Variants in LPCAT1 observed in about 807,000 individuals in gnomAD.
LPCAT1 encodes the protein lysophosphatidylcholine acyltransferase 1, also known as 1-acylglycerol-3-phosphate O-acyltransferase.
A neutral mutation model predicts 60.9 loss-of-function variants in LPCAT1; 23 were observed. The ratio of observed to expected loss-of-function variants is 0.38; its 90% CI spans 0.27 to 0.53. The LOEUF is 0.53. Among genes scored for constraint, LPCAT1 ranks in the 20% least tolerant of loss-of-function variants. The probability of loss-of-function intolerance (pLI) is 0.82; values close to 1 mark genes in which losing one functional copy is unlikely to be tolerated. For synonymous variants in LPCAT1, 340 were observed against 301.1 expected (o/e 1.13, Z -1.34); for missense variants, 622 against 723.6 (o/e 0.86, Z 1.61).
intron 1 of LPCAT1, among the ~76,000 whole-genome samples, chr5:1,508,190 G>A (rs1414278621): frequency 6.6e-6 from 1 of 152,172 alleles, no homozygotes; most frequent in Non-Finnish European, 1.5e-5. Context: ...CAAGCAGGGC[G>A]GGCACAGTGG....
intron 7 of LPCAT1, 143 bp from the exon 8 acceptor site, chr5:1,479,818 T>G: frequency 1.5e-6 from 1 of 668,756 alleles, no homozygotes; most frequent in South Asian, 1.7e-5. Context: ...GGGGGTGCCG[T>G]GCCCACCCAG....
chr5:1,465,227 C>A (rs1380789286), intron 13 of LPCAT1, among the ~76,000 whole-genome samples: 8 of 146,616 alleles, frequency 5.5e-5, no homozygotes, highest in Middle Eastern at 4.1e-3. Flanking sequence ...TGCACACACA[C>A]AAAACAAGCA....
At chr5:1,486,869 G>A (rs966944931) in intron 5 of LPCAT1, among the ~76,000 whole-genome samples, 2 of 152,212 alleles carry the variant, frequency 1.3e-5, no homozygotes, top group East Asian at 1.9e-4. Context: ...TCAAGCCACC[G>A]TGTCATCTCC....
intron 11 of LPCAT1, among the ~76,000 whole-genome samples, chr5:1,472,029 TGGTC>T: frequency 1.4e-5 from 1 of 72,284 alleles, no homozygotes; most frequent in East Asian, 4.8e-4. Flanking sequence ...GAGGACGCTC[TGGTC>T]AGAGAGCAGG....
chr5:1,505,473 C>T (rs1396616861), intron 1 of LPCAT1, among the ~76,000 whole-genome samples: 2 of 152,392 alleles, frequency 1.3e-5, no homozygotes, highest in Non-Finnish European at 2.9e-5. Flanking sequence ...CCACTGGGAA[C>T]AGCTCCGGGG....
intron 1 of LPCAT1, among the ~76,000 whole-genome samples, chr5:1,507,630 C>T (rs1026095262): frequency 1.3e-5 from 2 of 152,184 alleles, no homozygotes; most frequent in African/African-American, 2.4e-5. Context: ...GGGCCGGGCG[C>T]GAGCGCTCAC....
At chr5:1,484,131 C>T (rs544585457) in intron 5 of LPCAT1, among the ~76,000 whole-genome samples, 2 of 152,360 alleles carry the variant, frequency 1.3e-5, no homozygotes, top group African/African-American at 2.4e-5. Flanking sequence ...AGGACTTGCC[C>T]GGGATCTGCC....
chr5:1,496,337 G>A lies in LPCAT1; in HGVS notation c.279-1423C>T, dbSNP rs940044069. Among the ~76,000 whole-genome samples the A allele has an allele frequency of 1.3e-5, 2 of 151,680 alleles. No homozygotes were observed. Among genetic ancestry groups the A allele is most frequent in the South Asian group, 2.1e-4 (1 of 4,810 alleles). ...GATTGCGCCACTGCACTCCAGCCTG[G>A]GCAACAGAGTGAGACTCCATCTCAA... is the stretch of plus-strand genomic sequence containing the variant. On this transcript the variant is annotated intron_variant, in intron 2 of 13. Coordinates refer to ENST00000283415, the MANE Select transcript of LPCAT1 (RefSeq NM_024830.5). The surrounding 1 kb of genome is among the most constrained non-coding windows in gnomAD (Gnocchi z 4.7).
intron 9 of LPCAT1, among the ~76,000 whole-genome samples, chr5:1,475,968 C>T (rs994319329): frequency 3.9e-5 from 6 of 152,192 alleles, no homozygotes; most frequent in African/African-American, 1.4e-4. Context: ...GGTGGCAGAC[C>T]CTCCAACGGC....
In LPCAT1 at chr5:1,480,350, G is replaced by GA. The variant is rs1226579072; in HGVS notation, c.761+591dup. The stretch of plus-strand genomic sequence containing the variant: ...GGACCCACATCCTCCCAAACGCCTG[G>GA]AATGGAGCTGCTCTCTCTTGGACTT... On this transcript the variant is annotated intron_variant, in intron 7 of 13. Transcript: ENST00000283415. This position sits in a 1 kb window ranked among gnomAD's most constrained non-coding sequence, Gnocchi z 6.4. 3 of 985,112 alleles carry GA rather than the reference G, an allele frequency of 3.0e-6. No homozygotes were observed. The highest frequency in any genetic ancestry group is 3.6e-6 in the Non-Finnish European group (3 of 829,890). 61.0% of individuals were successfully genotyped at this position (985,112 alleles called of 1,614,324 possible). A position where few individuals can be genotyped will look rare whatever the true frequency, so the allele number is the denominator to read the frequency against.
intron 1 of LPCAT1, among the ~76,000 whole-genome samples, chr5:1,509,983 G>C (rs1736307629): frequency 6.6e-6 from 1 of 152,210 alleles, no homozygotes. Flanking sequence ...CGGTTTCATT[G>C]GGAGGAACAT....
In LPCAT1 at chr5:1,521,281, T is replaced by C. The variant is rs1326634554; in HGVS notation, c.135+2429A>G. ...AGGAGGAGGTGTCCCCGCATGGCGC[T>C]AATCCGAAGACACACAGCAGCCCCT... On this transcript the variant is annotated intron_variant, in intron 1 of 13. Coordinates refer to ENST00000283415, the MANE Select transcript of LPCAT1 (RefSeq NM_024830.5). The surrounding 1 kb of genome is among the most constrained non-coding windows in gnomAD (Gnocchi z 4.3). 3.1e-6 allele frequency: 3 copies of C among 971,462 alleles called. No individual in the cohort carries two copies. In the East Asian group the frequency reaches 3.4e-4, roughly 111 times the overall value. 60.2% of individuals were successfully genotyped at this position (971,462 alleles called of 1,614,324 possible).
chr5:1,474,810 G>T lies in LPCAT1; in HGVS notation c.900-125C>A. On this transcript the variant is annotated intron_variant, in intron 9 of 13. Coordinates refer to ENST00000283415, the MANE Select transcript of LPCAT1 (RefSeq NM_024830.5). ...GAGGAGAGGCAGTGAGACAGGGGAA[G>T]GGCCAGTTGGTGGGGCAGTCACACA... The T allele has an allele frequency of 3.1e-6, 4 of 1,277,072 alleles. 1 individual carries two copies. The South Asian group carries it at 4.7e-5, about 15-fold the overall frequency. The allele number at this position is 1,277,072 out of a possible 1,614,324, so 79.1% of individuals were successfully genotyped here. A position where few individuals can be genotyped will look rare whatever the true frequency, so the allele number is the denominator to read the frequency against.
At chr5:1,505,897 G>A (rs888712731) in intron 1 of LPCAT1, among the ~76,000 whole-genome samples, 2 of 152,228 alleles carry the variant, frequency 1.3e-5, no homozygotes, top group Non-Finnish European at 2.9e-5. Context: ...ACCACGTGAC[G>A]CTCCCCACCA....
At chr5:1,493,606 C>T (rs1735669762) in intron 3 of LPCAT1, among the ~76,000 whole-genome samples, 1 of 152,258 alleles carries the variant, frequency 6.6e-6, no homozygotes, top group Non-Finnish European at 1.5e-5. Flanking sequence ...CCAGAACGTG[C>T]TGTGCTGTGC....
chr5:1,465,065 G>GAA (rs1734298354), intron 13 of LPCAT1, among the ~76,000 whole-genome samples: 1 of 125,150 alleles, frequency 8.0e-6, no homozygotes, highest in African/African-American at 3.1e-5. Flanking sequence ...ACAAGTGCAC[G>GAA]CACACACACG....
chr5:1,516,927 C>T (rs1736522349), intron 1 of LPCAT1, among the ~76,000 whole-genome samples: 1 of 152,236 alleles, frequency 6.6e-6, no homozygotes, highest in African/African-American at 2.4e-5. Flanking sequence ...CACCTAAGCT[C>T]ATGCTGCTGG....
chr5:1,465,346 A>G (rs1182882491), intron 13 of LPCAT1, among the ~76,000 whole-genome samples: 1 of 145,660 alleles, frequency 6.9e-6, no homozygotes, highest in Admixed American at 6.9e-5. Context: ...GTAACTAAAC[A>G]CACATGCGCA....
intron 13 of LPCAT1, 33 bp from the exon 14 acceptor site, chr5:1,463,868 T>C (rs1236635473): frequency 1.9e-6 from 3 of 1,607,392 alleles, no homozygotes; most frequent in Admixed American, 3.4e-5. Flanking sequence ...GGTTATGGAA[T>C]GGGGACGAGC....
Sources: allele counts gnomAD v4.1 joint callset (sites outside exome capture counted in the v4.1 genomes callset), GRCh38; gene constraint gnomAD v4.1.1; non-coding constraint Gnocchi (gnomAD v3.1); transcripts MANE v1.5; gene names NCBI Gene and HGNC (gene_info 2026-07-23, HGNC 2026-07-21).